Variants in CTNNA3 observed in about 807,000 individuals in gnomAD.
CTNNA3 encodes catenin alpha-3.
CTNNA3 carries 76 observed loss-of-function variants against 95.7 expected under a neutral mutation model. That is an observed-to-expected ratio of 0.79 (90% confidence interval 0.66 to 0.96). The LOEUF (loss-of-function observed/expected upper bound fraction) is 0.96. Ranked by LOEUF, CTNNA3 falls within the 40% of genes least tolerant of loss-of-function variation. The probability of loss-of-function intolerance (pLI) is 0.00; values close to 1 mark genes in which losing one functional copy is unlikely to be tolerated. For missense variants in CTNNA3, 1,191 were observed against 1,089.8 expected, an observed-to-expected ratio of 1.09 and a Z score of -1.31; for synonymous variants, 431 against 374.4, an observed-to-expected ratio of 1.15 and a Z score of -1.74.
chr10:66,541,257 C>T (rs1406681221), intron 10 of CTNNA3, among the ~76,000 whole-genome samples: 1 of 152,102 alleles, frequency 6.6e-6, no homozygotes, highest in African/African-American at 2.4e-5. Flanking sequence ...TGACTTGTTT[C>T]ATTTCTGCTC....
intron 9 of CTNNA3, among the ~76,000 whole-genome samples, chr10:66,716,074 C>T (rs1463352952): frequency 1.3e-5 from 2 of 152,112 alleles, no homozygotes; most frequent in Admixed American, 1.3e-4. Flanking sequence ...CATCCACTAT[C>T]CATTTGCTTG....
At chr10:67,305,941 G>A (rs1840537039) in intron 5 of CTNNA3, among the ~76,000 whole-genome samples, 1 of 152,148 alleles carries the variant, frequency 6.6e-6, no homozygotes, top group South Asian at 2.1e-4. Context: ...AGGAGATATT[G>A]GTCTATGGTA....
chr10:66,707,074 A>G (rs192897096), intron 9 of CTNNA3, among the ~76,000 whole-genome samples: 1 of 152,202 alleles, frequency 6.6e-6, no homozygotes, highest in African/African-American at 2.4e-5. Flanking sequence ...TAAGAATACT[A>G]ATGTGTCCAA....
At chr10:67,214,902 C>A (rs543339975) in intron 6 of CTNNA3, among the ~76,000 whole-genome samples, 1 of 151,870 alleles carries the variant, frequency 6.6e-6, no homozygotes. Context: ...CACTATGATA[C>A]GTGTAAATAT....
At chr10:66,543,543 A>G (rs1457323686) in intron 10 of CTNNA3, among the ~76,000 whole-genome samples, 3 of 152,170 alleles carry the variant, frequency 2.0e-5, no homozygotes, top group African/African-American at 7.2e-5. Context: ...CTACCTACAC[A>G]GAAGAAGCTG....
At chr10:66,739,998 G>A (rs1486973649) in intron 9 of CTNNA3, among the ~76,000 whole-genome samples, 3 of 152,208 alleles carry the variant, frequency 2.0e-5, no homozygotes, top group African/African-American at 7.2e-5. Flanking sequence ...TGGGAATGGA[G>A]TAGGAAAGGT....
At chr10:66,152,331 G>A (rs542634764) in intron 13 of CTNNA3, among the ~76,000 whole-genome samples, 1 of 151,872 alleles carries the variant, frequency 6.6e-6, no homozygotes, top group African/African-American at 2.4e-5. Flanking sequence ...GATATTAATT[G>A]TAAATGATAT....
chr10:66,067,046 CA>C (rs1256407269), intron 15 of CTNNA3, among the ~76,000 whole-genome samples: 1 of 151,914 alleles, frequency 6.6e-6, no homozygotes, highest in African/African-American at 2.4e-5. Context: ...GCTTCAGAAG[CA>C]AAAGTTTTTC....
chr10:66,429,488 A>G (rs1444453089), intron 11 of CTNNA3, among the ~76,000 whole-genome samples: 1 of 152,194 alleles, frequency 6.6e-6, no homozygotes, highest in African/African-American at 2.4e-5. Flanking sequence ...ATGAACGTCA[A>G]TGCAAAAATC....
intron 7 of CTNNA3, among the ~76,000 whole-genome samples, chr10:67,103,072 A>G (rs914567933): frequency 3.3e-5 from 5 of 152,006 alleles, no homozygotes; most frequent in Middle Eastern, 3.4e-3. Flanking sequence ...TACTAGATTT[A>G]CTGAATCAGA....
At chr10:66,535,197 T>G (rs914160797) in intron 10 of CTNNA3, among the ~76,000 whole-genome samples, 1 of 151,626 alleles carries the variant, frequency 6.6e-6, no homozygotes. Context: ...ACAAAATGAG[T>G]TAGTTGATAG....
chr10:67,261,380 T>C (rs2170134), intron 5 of CTNNA3, among the ~76,000 whole-genome samples: 4,873 of 152,168 alleles, frequency 0.032, 249 homozygotes, highest in African/African-American at 0.11. Context: ...AACCATGAAA[T>C]GTGAAAAATA....
intron 10 of CTNNA3, among the ~76,000 whole-genome samples, chr10:66,588,403 T>A (rs149400980): frequency 6.6e-6 from 1 of 152,196 alleles, no homozygotes; most frequent in Non-Finnish European, 1.5e-5. Context: ...CTCTGCACAC[T>A]ATTTTGTCTT....
At chr10:67,180,589 T>C in intron 6 of CTNNA3, 69 bp from the exon 7 acceptor site, 1 of 1,312,608 alleles carries the variant, frequency 7.6e-7, no homozygotes, top group Admixed American at 1.8e-5. Context: ...ACAAATGTTA[T>C]TTTGTTTTTG....
At chr10:67,214,387 AAT>A (rs1343589795) in intron 6 of CTNNA3, among the ~76,000 whole-genome samples, 1 of 151,834 alleles carries the variant, frequency 6.6e-6, no homozygotes, top group African/African-American at 2.4e-5. Context: ...TTCCCCAAAA[AAT>A]ATATAAAGAC....
chr10:67,009,665 T>C (rs1327615755), intron 7 of CTNNA3, among the ~76,000 whole-genome samples: 6 of 152,172 alleles, frequency 3.9e-5, no homozygotes, highest in Non-Finnish European at 8.8e-5. Flanking sequence ...GTTGTGTTAT[T>C]ATCTCTTTAG....
chr10:66,333,016 G>A (rs2092349974), intron 12 of CTNNA3, among the ~76,000 whole-genome samples: 1 of 152,094 alleles, frequency 6.6e-6, no homozygotes, highest in Non-Finnish European at 1.5e-5. Context: ...TATTTGTGTA[G>A]AGGTGTTTAT....
chr10:67,309,871 C>A (rs1300706215), intron 5 of CTNNA3, among the ~76,000 whole-genome samples: 1 of 152,076 alleles, frequency 6.6e-6, no homozygotes, highest in East Asian at 1.9e-4. Context: ...GTCAGTGCAA[C>A]ATTGTTCTGT....
chr10:67,559,530 A>G (rs1318195445), intron 3 of CTNNA3, among the ~76,000 whole-genome samples: 1 of 152,146 alleles, frequency 6.6e-6, no homozygotes, highest in Non-Finnish European at 1.5e-5. Flanking sequence ...TAAAACCACA[A>G]AGATGGGGAA....
Sources: gnomAD v4.1 joint callset for allele counts (sites outside exome capture counted in the v4.1 genomes callset) on GRCh38, gnomAD v4.1.1 for gene constraint, MANE v1.5 for transcripts, NCBI Gene and HGNC (gene_info 2026-07-23, HGNC 2026-07-21) for gene names.